The following PNPLA8 variants were observed in gnomAD, a reference collection of about 807,000 sequenced individuals.
PNPLA8 encodes calcium-independent phospholipase A2-gamma.
In PNPLA8, 39 loss-of-function variants were observed where a neutral mutation model predicts 76.9. That is an observed-to-expected ratio of 0.51 (90% CI 0.39 to 0.66). The LOEUF (loss-of-function observed/expected upper bound fraction) is 0.66. Ranked by LOEUF, PNPLA8 falls within the 30% of genes least tolerant of loss-of-function variation. The probability of loss-of-function intolerance (pLI) is 0.00; values close to 1 mark genes in which losing one functional copy is unlikely to be tolerated. For missense variants in PNPLA8, 887 were observed against 918.0 expected, an observed-to-expected ratio of 0.97 and a Z score of 0.44; for synonymous variants, 301 against 307.9, an observed-to-expected ratio of 0.98 and a Z score of 0.24.
chr7:108,485,496 A>G (rs1860683749), intron 9 of PNPLA8, among the ~76,000 whole-genome samples: 1 of 152,162 alleles, frequency 6.6e-6, no homozygotes, highest in Non-Finnish European at 1.5e-5. Context: ...TAACTACATT[A>G]AAACATATGT....
intron 8 of PNPLA8, among the ~76,000 whole-genome samples, chr7:108,489,902 G>C (rs1213092219): frequency 6.6e-6 from 1 of 152,136 alleles, no homozygotes; most frequent in African/African-American, 2.4e-5. Context: ...TAAATGAAGA[G>C]CCACATTGAG....
intron 8 of PNPLA8, among the ~76,000 whole-genome samples, chr7:108,488,183 G>C (rs1413466807): frequency 6.6e-6 from 1 of 152,114 alleles, no homozygotes; most frequent in Non-Finnish European, 1.5e-5. Flanking sequence ...AATAATAAAA[G>C]AGATTTATTT....
At chr7:108,485,883 A>G (rs1349838742) in intron 9 of PNPLA8, among the ~76,000 whole-genome samples, 2 of 152,094 alleles carry the variant, frequency 1.3e-5, no homozygotes, top group Non-Finnish European at 2.9e-5. Context: ...ATTGATTTAT[A>G]TGAAAGTACA....
upstream of PNPLA8, chr7:108,527,564 T>C (rs529627573): frequency 1.3e-5 from 2 of 152,178 alleles, no homozygotes; most frequent in South Asian, 4.1e-4. Context: ...GCCATGACTA[T>C]CACCATGGGG....
In PNPLA8 at chr7:108,471,646, T is replaced by C. The variant is rs1184692850; in HGVS notation, c.*755A>G. On this transcript the variant is annotated 3_prime_UTR_variant, in exon 11 of 11. Coordinates refer to ENST00000257694, the MANE Select transcript of PNPLA8 (RefSeq NM_001256007.3). ...AACAGATTATTTAAATAGTTTATTT[T>C]TGTTAATGATAGGAATATCTCCTCA... 1 of 152,230 alleles carries C rather than the reference T, an allele frequency of 6.6e-6. No homozygotes were observed. Among genetic ancestry groups the C allele is most frequent in the African/African-American group, 2.4e-5 (1 of 41,456 alleles). 9.4% of individuals were successfully genotyped at this position (152,230 alleles called of 1,614,324 possible). A position where few individuals can be genotyped will look rare whatever the true frequency, so the allele number is the denominator to read the frequency against.
In PNPLA8 at chr7:108,514,179, G is replaced by C. The variant is rs1236923140; in HGVS notation, c.1171C>G (p.Leu391Val). Residue 391 changes from leucine (L) to valine (V), a missense_variant, in exon 4 of 11, where the codon CTA (leucine) becomes GTA (valine). Physicochemically the swap from Leu to Val is conservative, Grantham distance 32. Coordinates refer to ENST00000257694, the MANE Select transcript of PNPLA8 (RefSeq NM_001256007.3). ...ACTCCTTTTCCTTCAGGAAATTCTA[G>C]AAGATGAAAAGTCAGTTCTTCAACC... ...TRVEELTFHL[L>V]EFPEGKGVAV... 4 of 1,607,528 alleles carry C rather than the reference G, an allele frequency of 2.5e-6. No individual in the cohort carries two copies. The highest frequency in any genetic ancestry group is 3.4e-6 in the Non-Finnish European group (4 of 1,175,410).
intron 10 of PNPLA8, among the ~76,000 whole-genome samples, chr7:108,477,363 C>CT (rs907573091): frequency 7.2e-5 from 11 of 151,804 alleles, no homozygotes; most frequent in African/African-American, 2.4e-4. Flanking sequence ...AGCACATGAG[C>CT]TTTTTTTTGG....
At chr7:108,505,586 C>T (rs919630321) in intron 4 of PNPLA8, among the ~76,000 whole-genome samples, 2 of 151,182 alleles carry the variant, frequency 1.3e-5, no homozygotes, top group East Asian at 1.9e-4. Flanking sequence ...TGGTCTTGAT[C>T]GCTTGATCTC....
chr7:108,483,754 A>G (rs1172108437), intron 9 of PNPLA8, among the ~76,000 whole-genome samples: 2 of 152,212 alleles, frequency 1.3e-5, no homozygotes, highest in Non-Finnish European at 2.9e-5. Context: ...GTAAAAATCT[A>G]CTTAGATTCC....
intron 10 of PNPLA8, among the ~76,000 whole-genome samples, chr7:108,475,222 T>C (rs1859903485): frequency 2.0e-5 from 3 of 152,180 alleles, no homozygotes. Context: ...TTCTACATTA[T>C]GGTGAGCTGT....
At chr7:108,503,771 A>G (rs2154515984) in intron 4 of PNPLA8, among the ~76,000 whole-genome samples, 1 of 152,330 alleles carries the variant, frequency 6.6e-6, no homozygotes, top group African/African-American at 2.4e-5. Flanking sequence ...GAAAAAGTAA[A>G]GGACCAAAAA....
In PNPLA8 at chr7:108,514,282, C is replaced by A. The variant is rs762911123; in HGVS notation, c.1068G>T (p.Arg356Ser). ...LSLQREKIIA[R>S]VSIDNRTRAL... ...CCCGGGTCCTGTTATCAATACTCACCCTTGCGATAATCTACAAAGACATAT... is the reference window on the plus strand; with the variant it reads ...CCCGGGTCCTGTTATCAATACTCACACTTGCGATAATCTACAAAGACATAT... The change falls in exon 4 of 11, where the codon AGG becomes AGT. Residue 356 changes from arginine (R) to serine (S), a missense_variant. Physicochemically the swap from Arg to Ser is moderately radical, Grantham distance 110. Coordinates refer to ENST00000257694, the MANE Select transcript of PNPLA8 (RefSeq NM_001256007.3). The A allele has an allele frequency of 6.2e-7, 1 of 1,610,228 alleles. No individual in the cohort carries two copies. The highest frequency in any genetic ancestry group is 1.3e-5 in the African/African-American group (1 of 74,746).
chr7:108,485,168 A>C (rs1263085107), intron 9 of PNPLA8, among the ~76,000 whole-genome samples: 1 of 152,212 alleles, frequency 6.6e-6, no homozygotes, highest in Non-Finnish European at 1.5e-5. Flanking sequence ...AAAGACAGGA[A>C]TGAACAATTT....
At chr7:108,476,860 T>C (rs1449980270) in intron 10 of PNPLA8, among the ~76,000 whole-genome samples, 1 of 152,144 alleles carries the variant, frequency 6.6e-6, no homozygotes, top group East Asian at 1.9e-4. Context: ...TTGGAAGATA[T>C]TCTGCTAAGG....
intron 4 of PNPLA8, among the ~76,000 whole-genome samples, chr7:108,513,941 T>C (rs1487027449): frequency 6.6e-6 from 1 of 152,196 alleles, no homozygotes; most frequent in African/African-American, 2.4e-5. Flanking sequence ...AAAGTATACA[T>C]ATTGGTGCTA....
chr7:108,485,611 T>C (rs1860690740), intron 9 of PNPLA8, among the ~76,000 whole-genome samples: 1 of 152,212 alleles, frequency 6.6e-6, no homozygotes, highest in African/African-American at 2.4e-5. Context: ...TACTTTAAAC[T>C]TGGCAAAACT....
At chr7:108,473,059 T>C (rs954956873) in intron 10 of PNPLA8, among the ~76,000 whole-genome samples, 1 of 152,312 alleles carries the variant, frequency 6.6e-6, no homozygotes, top group East Asian at 1.9e-4. Context: ...TTTTGACAAA[T>C]GTATACACTT....
At chr7:108,497,929 T>A (rs1169932381) in intron 5 of PNPLA8, among the ~76,000 whole-genome samples, 1 of 149,654 alleles carries the variant, frequency 6.7e-6, no homozygotes, top group Non-Finnish European at 1.5e-5. Flanking sequence ...TTTGGGAGGT[T>A]GAGGTAAGAG....
At chr7:108,520,005 C>A (rs191434344) in intron 2 of PNPLA8, among the ~76,000 whole-genome samples, 1 of 152,258 alleles carries the variant, frequency 6.6e-6, no homozygotes, top group East Asian at 1.9e-4. Context: ...CAGTTATTGC[C>A]GCTCGAGAGA....
Sources: allele counts gnomAD v4.1 joint callset (sites outside exome capture counted in the v4.1 genomes callset), GRCh38; gene constraint gnomAD v4.1.1; transcripts MANE v1.5; gene names NCBI Gene and HGNC (gene_info 2026-07-23, HGNC 2026-07-21).